Variants in PDGFC observed in about 807,000 individuals in gnomAD.
PDGFC encodes the protein platelet derived growth factor C, also known as platelet-derived growth factor C.
In PDGFC, 12 loss-of-function variants were observed where a neutral mutation model predicts 35.5. The observed-to-expected ratio is 0.34, with a 90% CI of 0.22 to 0.55. PDGFC has a LOEUF of 0.55. Among genes scored for constraint, PDGFC ranks in the 20% least tolerant of loss-of-function variants. The probability of loss-of-function intolerance (pLI) is 0.91; values close to 1 mark genes in which losing one functional copy is unlikely to be tolerated. For synonymous variants in PDGFC, 159 were observed against 148.8 expected, an observed-to-expected ratio of 1.07 and a Z score of -0.50; for missense variants, 322 against 412.4, an observed-to-expected ratio of 0.78 and a Z score of 1.90.
chr4:156,960,252 T>TTTTATATATATATATATATA (rs1393791877), intron 1 of PDGFC, among the ~76,000 whole-genome samples: 3 of 137,118 alleles, frequency 2.2e-5, no homozygotes, highest in African/African-American at 8.5e-5. Context: ...TATATAACTG[T>TTTTATATATATATATATATA]TATATATATA....
intron 1 of PDGFC, among the ~76,000 whole-genome samples, chr4:156,942,890 CTTAGTAATATGTGT>C (rs1731842807): frequency 1.3e-5 from 2 of 151,880 alleles, no homozygotes; most frequent in African/African-American, 4.8e-5. Context: ...GAGATTTCTG[CTTAGTAATATGTGT>C]TAGACAGATA....
intron 1 of PDGFC, among the ~76,000 whole-genome samples, chr4:156,914,200 A>G (rs1001105824): frequency 6.6e-6 from 1 of 152,230 alleles, no homozygotes; most frequent in Non-Finnish European, 1.5e-5. Context: ...ACAATGCCAA[A>G]TTAGCTCAAA....
intron 1 of PDGFC, among the ~76,000 whole-genome samples, chr4:156,883,971 A>G (rs1408637543): frequency 6.6e-6 from 1 of 152,198 alleles, no homozygotes; most frequent in East Asian, 1.9e-4. Flanking sequence ...AATCTTCAGA[A>G]GGAAATTAGG....
chr4:156,834,346 C>T (rs1044642221), intron 2 of PDGFC, among the ~76,000 whole-genome samples: 2 of 152,092 alleles, frequency 1.3e-5, no homozygotes, highest in African/African-American at 4.8e-5. Context: ...TCAAAGTACA[C>T]TAAGATAACA....
At position 156,933,516 on chromosome 4, in the gene PDGFC, T is replaced by C. The variant is rs142675172; in HGVS notation, c.118+37270A>G. 3.7e-3 allele frequency among the ~76,000 whole-genome samples: 564 copies of C among 152,300 alleles called. 3 individuals are homozygous for C. The highest frequency in any genetic ancestry group is 0.013 in the African/African-American group (541 of 41,566). On this transcript the variant is annotated intron_variant, in intron 1 of 5. Coordinates refer to ENST00000502773, the MANE Select transcript of PDGFC (RefSeq NM_016205.3). ...AGCATCCTTTCTGCAGCATATTTAG[T>C]GCTAGGTTGTTCTCAATTTTTTGCT...
intron 2 of PDGFC, among the ~76,000 whole-genome samples, chr4:156,849,038 C>A (rs1486046296): frequency 6.6e-6 from 1 of 151,886 alleles, no homozygotes; most frequent in Non-Finnish European, 1.5e-5. Flanking sequence ...ACACCCCTTG[C>A]AATTTTTGAC....
At chr4:156,846,280 C>T (rs567715950) in intron 2 of PDGFC, among the ~76,000 whole-genome samples, 7 of 151,868 alleles carry the variant, frequency 4.6e-5, no homozygotes, top group African/African-American at 1.7e-4. Flanking sequence ...AAACTCATGT[C>T]ACTGATAATG....
At chr4:156,847,183 A>G (rs1729347086) in intron 2 of PDGFC, among the ~76,000 whole-genome samples, 1 of 151,772 alleles carries the variant, frequency 6.6e-6, no homozygotes, top group African/African-American at 2.4e-5. Flanking sequence ...TTAGCTACAT[A>G]CATCCAAATA....
intron 3 of PDGFC, among the ~76,000 whole-genome samples, chr4:156,807,029 CT>C (rs951634193): frequency 1.4e-5 from 2 of 140,044 alleles, no homozygotes; most frequent in African/African-American, 5.2e-5. Flanking sequence ...TTTTTTTTTT[CT>C]CTTTTAGCAG....
rs146940498 is a variant in PDGFC, at chr4:156,778,727, A to G, written c.496-5834T>C. On this transcript the variant is annotated intron_variant, in intron 3 of 5. Coordinates refer to ENST00000502773, the MANE Select transcript of PDGFC (RefSeq NM_016205.3). ...GGATTTTTGTGGCCAGTGCAATTTT[A>G]AAAACACACTTAAAATGAATCTTCC... 1.8e-4 allele frequency among the ~76,000 whole-genome samples: 27 copies of G among 152,342 alleles called. No homozygotes were observed. The East Asian group carries it at 3.3e-3, about 18-fold the overall frequency.
At chr4:156,864,047 A>G (rs368872751) in intron 1 of PDGFC, among the ~76,000 whole-genome samples, 104 of 152,126 alleles carry the variant, frequency 6.8e-4, no homozygotes, top group African/African-American at 2.2e-3. Flanking sequence ...GTTTGTTTTA[A>G]CTACTGTATC....
At chr4:156,815,599 T>C (rs1732066618) in intron 2 of PDGFC, among the ~76,000 whole-genome samples, 1 of 152,024 alleles carries the variant, frequency 6.6e-6, no homozygotes, top group Non-Finnish European at 1.5e-5. Context: ...AAAACAATGA[T>C]GAAAAATGTA....
In PDGFC at chr4:156,811,104, C is replaced by T. The variant is rs1372912388; in HGVS notation, c.315-87G>A. The T allele has an allele frequency of 8.9e-6, 7 of 785,854 alleles. 1 individual carries two copies. The South Asian group carries it at 1.4e-4, about 15-fold the overall frequency. The allele number at this position is 785,854 out of a possible 1,614,324, so 48.7% of individuals were successfully genotyped here. On this transcript the variant is annotated intron_variant, in intron 2 of 5. Transcript: ENST00000502773. ...TTTCATGTCTGTGGGTGCTATGACT[C>T]TACGGACCACAGCAGTGAGTTAATC...
intron 1 of PDGFC, among the ~76,000 whole-genome samples, chr4:156,909,991 C>T (rs1459214777): frequency 6.6e-6 from 1 of 151,996 alleles, no homozygotes; most frequent in Admixed American, 6.6e-5. Context: ...ATCTACAAGC[C>T]AAGCAATGTC....
intron 1 of PDGFC, among the ~76,000 whole-genome samples, chr4:156,921,256 T>C (rs142534311): frequency 1.9e-3 from 292 of 152,178 alleles, no homozygotes; most frequent in African/African-American, 6.1e-3. Context: ...CGCTACAAAA[T>C]TAAGGGTGGC....
chr4:156,961,107 A>C (rs1377851096), intron 1 of PDGFC, among the ~76,000 whole-genome samples: 2 of 152,166 alleles, frequency 1.3e-5, no homozygotes, highest in East Asian at 3.9e-4. Context: ...GATTTTAAAT[A>C]TCATCTGCTA....
intron 3 of PDGFC, among the ~76,000 whole-genome samples, chr4:156,797,325 A>C (rs1466715141): frequency 2.0e-5 from 3 of 152,118 alleles, no homozygotes; most frequent in African/African-American, 7.2e-5. Flanking sequence ...TGAATTAAGG[A>C]GCACACTCAC....
intron 3 of PDGFC, among the ~76,000 whole-genome samples, chr4:156,791,005 T>A (rs1033764373): frequency 6.6e-5 from 10 of 152,148 alleles, no homozygotes; most frequent in African/African-American, 2.2e-4. Flanking sequence ...CCACCAGGGA[T>A]TTTTCCTAGG....
At chr4:156,842,532 C>T (rs1425922635) in intron 2 of PDGFC, among the ~76,000 whole-genome samples, 1 of 152,098 alleles carries the variant, frequency 6.6e-6, no homozygotes, top group East Asian at 1.9e-4. Flanking sequence ...ATGCTTCTAT[C>T]AGCATTCTCT....
Sources: gnomAD v4.1 joint callset for allele counts (sites outside exome capture counted in the v4.1 genomes callset) on GRCh38, gnomAD v4.1.1 for gene constraint, MANE v1.5 for transcripts, NCBI Gene and HGNC (gene_info 2026-07-23, HGNC 2026-07-21) for gene names.